KCNIP4: variants seen among roughly 807,000 people sequenced by gnomAD.
KCNIP4 encodes Kv channel-interacting protein 4.
KCNIP4 carries 12 observed loss-of-function variants against 34.0 expected under a neutral mutation model. That is an observed-to-expected ratio of 0.35 (90% CI 0.23 to 0.57). The LOEUF (loss-of-function observed/expected upper bound fraction) is 0.57, where lower values mean the gene tolerates loss of function less well. KCNIP4 is among the 20% of genes least tolerant of loss of function. The pLI is 0.83. For synonymous variants in KCNIP4, 124 were observed against 102.2 expected, an observed-to-expected ratio of 1.21 and a Z score of -1.29; for missense variants, 238 against 311.7, an observed-to-expected ratio of 0.76 and a Z score of 1.78.
intron 1 of KCNIP4, among the ~76,000 whole-genome samples, chr4:21,921,323 G>A (rs9998208): frequency 0.26 from 39,078 of 151,682 alleles, 5,755 homozygotes; most frequent in East Asian, 0.61. Context: ...GTCCCAACAC[G>A]TATGCCTCAC....
intron 1 of KCNIP4, among the ~76,000 whole-genome samples, chr4:21,407,076 G>A (rs1724058490): frequency 6.6e-6 from 1 of 152,020 alleles, no homozygotes; most frequent in Admixed American, 6.6e-5. Flanking sequence ...TGATTTTTAT[G>A]ACCACAATGA....
At chr4:21,693,106 T>TTACCTTC (rs1711864522) in intron 1 of KCNIP4, among the ~76,000 whole-genome samples, 2 of 95,510 alleles carry the variant, frequency 2.1e-5, no homozygotes, top group African/African-American at 4.1e-5. Context: ...GGATCACCTC[T>TTACCTTC]TCCAGACAGA....
chr4:21,722,677 A>G (rs1714903027), intron 1 of KCNIP4, among the ~76,000 whole-genome samples: 1 of 152,126 alleles, frequency 6.6e-6, no homozygotes, highest in African/African-American at 2.4e-5. Flanking sequence ...GCAAGATCAT[A>G]TGGTTACTGC....
At chr4:21,103,166 C>A (rs535661594) in intron 1 of KCNIP4, among the ~76,000 whole-genome samples, 3 of 151,402 alleles carry the variant, frequency 2.0e-5, no homozygotes, top group Non-Finnish European at 4.4e-5. Context: ...TAAATAACAG[C>A]TTTTCCATTT....
rs923892074 is a variant in KCNIP4 at position 20,741,966 on chromosome 4, C to A, written c.430-7231G>T. Among the ~76,000 whole-genome samples the A allele has an allele frequency of 2.0e-5, 3 of 152,166 alleles. No individual in the cohort carries two copies. In the South Asian group the frequency reaches 6.2e-4, roughly 32 times the overall value. On this transcript the variant is annotated intron_variant, in intron 5 of 8. Coordinates refer to ENST00000382152, the MANE Select transcript of KCNIP4 (RefSeq NM_025221.6). ...CCTCTATGCGAATAAACTAGAAAAT[C>A]TAGAAGAATGGATAAATTCCTGGAC...
chr4:21,248,542 C>T lies in KCNIP4; in HGVS notation c.62-365833G>A, dbSNP rs75722825. On this transcript the variant is annotated intron_variant, in intron 1 of 8. Coordinates refer to ENST00000382152, the MANE Select transcript of KCNIP4 (RefSeq NM_025221.6). Reference sequence around the variant, plus strand: ...TTTCCAAATGCTGCATTTTTTTCAGCCAGGCAGATGGCATGGTAATGGTAG... The same window carrying T: ...TTTCCAAATGCTGCATTTTTTTCAGTCAGGCAGATGGCATGGTAATGGTAG... 6.1e-3 allele frequency among the ~76,000 whole-genome samples: 931 copies of T among 152,134 alleles called. 14 individuals are homozygous for T. The highest frequency in any genetic ancestry group is 0.021 in the African/African-American group (882 of 41,522).
In KCNIP4 at chr4:21,120,589, G is replaced by A. The variant is rs113234748; in HGVS notation, c.62-237880C>T. Reference sequence around the variant, plus strand: ...ATGCACATCTTACGTGGTGACAGGTGAGAGTGAGTGTTTGTCAGCTCAGGA... The same window carrying A: ...ATGCACATCTTACGTGGTGACAGGTAAGAGTGAGTGTTTGTCAGCTCAGGA... On this transcript the variant is annotated intron_variant, in intron 1 of 8. Coordinates refer to ENST00000382152, the MANE Select transcript of KCNIP4 (RefSeq NM_025221.6). 4.0e-3 allele frequency among the ~76,000 whole-genome samples: 616 copies of A among 152,332 alleles called. 2 individuals are homozygous for A. Among genetic ancestry groups the A allele is most frequent in the Admixed American group, 5.8e-3 (89 of 15,308 alleles).
At chr4:21,225,774 T>G (rs1398046458) in intron 1 of KCNIP4, among the ~76,000 whole-genome samples, 2 of 152,106 alleles carry the variant, frequency 1.3e-5, no homozygotes, top group Admixed American at 1.3e-4. Context: ...TGGGGAAAAC[T>G]GAATAATTTG....
Position 21,948,556 on chromosome 4 carries a change from C to T in KCNIP4, c.61+15G>A. The T allele has an allele frequency of 6.2e-7, 1 of 1,612,112 alleles. No individual in the cohort carries two copies. The highest frequency in any genetic ancestry group is 1.1e-5 in the South Asian group (1 of 90,670). On this transcript the variant is annotated intron_variant, in intron 1 of 8. Transcript: ENST00000382152. ...GCGGAAGCGGGCGCCCGCTCGCAAG[C>T]TTATTGCATCCTACCGCCTGTAGAG...
At chr4:21,757,021 T>C (rs1423779612) in intron 1 of KCNIP4, among the ~76,000 whole-genome samples, 1 of 150,280 alleles carries the variant, frequency 6.7e-6, no homozygotes, top group African/African-American at 2.5e-5. Flanking sequence ...CGCTTGAACC[T>C]GGGAGGTGGA....
At chr4:21,042,741 G>C (rs1742076166) in intron 1 of KCNIP4, among the ~76,000 whole-genome samples, 1 of 152,184 alleles carries the variant, frequency 6.6e-6, no homozygotes, top group Non-Finnish European at 1.5e-5. Context: ...ACTCTGATTT[G>C]ATCGTGCACT....
At chr4:21,396,150 T>C (rs527667763) in intron 1 of KCNIP4, among the ~76,000 whole-genome samples, 1 of 151,870 alleles carries the variant, frequency 6.6e-6, no homozygotes, top group South Asian at 2.1e-4. Flanking sequence ...GAGTCTCCTA[T>C]ATATAGTCTA....
At chr4:20,891,154 G>A (rs954315617) in intron 1 of KCNIP4, among the ~76,000 whole-genome samples, 3 of 152,190 alleles carry the variant, frequency 2.0e-5, no homozygotes, top group South Asian at 2.1e-4. Context: ...ATAATGGCTC[G>A]TACTCTATTA....
At chr4:21,689,856 T>C (rs1010864686) in intron 1 of KCNIP4, among the ~76,000 whole-genome samples, 19 of 151,954 alleles carry the variant, frequency 1.3e-4, no homozygotes, top group Non-Finnish European at 2.9e-5. Flanking sequence ...AATGATTCAC[T>C]GGCCATCCTC....
At chr4:20,857,119 T>C (rs1186628299) in intron 2 of KCNIP4, among the ~76,000 whole-genome samples, 1 of 151,782 alleles carries the variant, frequency 6.6e-6, no homozygotes, top group Non-Finnish European at 1.5e-5. Flanking sequence ...GGTACCTTAC[T>C]TCTTAATGAC....
intron 1 of KCNIP4, among the ~76,000 whole-genome samples, chr4:21,291,867 A>AAAAAG (rs1763506119): frequency 1.0e-3 from 52 of 51,080 alleles, no homozygotes; most frequent in Non-Finnish European, 1.5e-3. Context: ...AAAAAAAAAA[A>AAAAAG]AAAGAAAGAA....
At chr4:21,045,534 T>C (rs1012944827) in intron 1 of KCNIP4, among the ~76,000 whole-genome samples, 1 of 152,202 alleles carries the variant, frequency 6.6e-6, no homozygotes, top group Non-Finnish European at 1.5e-5. Flanking sequence ...TCTCACCCAA[T>C]TAGAAAGAGT....
intron 1 of KCNIP4, among the ~76,000 whole-genome samples, chr4:20,988,023 T>TATATATATATA (rs1033781557): frequency 2.4e-5 from 2 of 83,600 alleles, no homozygotes; most frequent in African/African-American, 1.1e-4. Flanking sequence ...AAAAAAAAAA[T>TATATATATATA]TATAGATATT....
chr4:20,754,936 G>A (rs1754250710), intron 4 of KCNIP4, among the ~76,000 whole-genome samples: 1 of 152,114 alleles, frequency 6.6e-6, no homozygotes, highest in Non-Finnish European at 1.5e-5. Flanking sequence ...ATGTTGGTAG[G>A]CACTCAGATA....
Sources: gnomAD v4.1 joint callset for allele counts (sites outside exome capture counted in the v4.1 genomes callset) on GRCh38, gnomAD v4.1.1 for gene constraint, MANE v1.5 for transcripts, NCBI Gene and HGNC (gene_info 2026-07-23, HGNC 2026-07-21) for gene names.